Variants in SAMD11 observed in about 807,000 individuals in gnomAD.
The protein encoded by SAMD11 is sterile alpha motif domain containing 11.
A neutral mutation model predicts 64.4 loss-of-function variants in SAMD11; 77 were observed. The ratio of observed to expected loss-of-function variants is 1.20; its 90% CI spans 0.99 to 1.44. The LOEUF (loss-of-function observed/expected upper bound fraction) is 1.44. SAMD11 is among the 40% of genes most tolerant of loss of function. The pLI, the probability that SAMD11 is intolerant of heterozygous loss-of-function variation, is 0.00. For synonymous variants in SAMD11, 658 were observed against 421.9 expected (o/e 1.56, Z -6.86); for missense variants, 1,402 against 943.3 (o/e 1.49, Z -6.37).
rs762963735 is a variant in SAMD11 at position 943,993 on chromosome 1, A to C, written c.2375A>C (p.Glu792Ala). The change falls in exon 14 of 14, where the codon GAG (glutamate) becomes GCG (alanine). Residue 792 changes from glutamate (E) to alanine (A), a missense_variant. Transcript: ENST00000616016. ...CAGCCACCAACCCTGCGGGCCCCGG[A>C]GCGAGAACTCGGCACAGGAGAGCAG... ...PLQPPTLRAP[E>A]RELGTGEQPL... 1.2e-5 allele frequency: 19 copies of C among 1,612,772 alleles called. No homozygotes were observed. The South Asian group carries it at 1.5e-4, about 13-fold the overall frequency.
chr1:928,226 A>C (rs1381207176), intron 2 of SAMD11, among the ~76,000 whole-genome samples: 1 of 151,624 alleles, frequency 6.6e-6, no homozygotes, highest in Non-Finnish European at 1.5e-5. Flanking sequence ...ACCCGTCTCT[A>C]CTAAAAATAC....
At chr1:935,193 C>CG (rs1177022204) in intron 4 of SAMD11, among the ~76,000 whole-genome samples, 2 of 152,210 alleles carry the variant, frequency 1.3e-5, no homozygotes, top group East Asian at 1.9e-4. Context: ...CCCCGCCTGC[C>CG]GGGGGGACAG....
At chr1:938,113 CAG>C (rs2100339623) in intron 5 of SAMD11, among the ~76,000 whole-genome samples, 1 of 151,980 alleles carries the variant, frequency 6.6e-6, no homozygotes, top group Non-Finnish European at 1.5e-5. Context: ...GGCGTGGAGT[CAG>C]GGGCTTCGGA....
In SAMD11 at chr1:942,123, C is replaced by T. The variant is rs1009448890; in HGVS notation, c.1359-13C>T. On this transcript the variant is annotated splice_polypyrimidine_tract_variant and intron_variant, in intron 8 of 13. Coordinates refer to ENST00000616016, the MANE Select transcript of SAMD11 (RefSeq NM_001385641.1). ...GGCGGGGGGGACGCCGCTCATTGCG[C>T]TGCCGTCCACAGGGAGCTGCCTCAG... The T allele has an allele frequency of 1.9e-6, 2 of 1,071,932 alleles. No individual in the cohort carries two copies. Among genetic ancestry groups the T allele is most frequent in the Non-Finnish European group, 2.6e-6 (2 of 768,416 alleles). The allele number at this position is 1,071,932 out of a possible 1,614,324, so 66.4% of individuals were successfully genotyped here.
intron 2 of SAMD11, among the ~76,000 whole-genome samples, chr1:928,930 C>T (rs187038555): frequency 8.5e-5 from 13 of 152,354 alleles, no homozygotes; most frequent in Admixed American, 7.2e-4. Context: ...CATCCCCAAG[C>T]TCCGGGCTGT....
Position 939,458 on chromosome 1 carries a change from A to T in SAMD11, c.1195+46A>T, listed in dbSNP as rs777598915. ...GATCCCCCTCATCACCTCCCCAGCC[A>T]CGGTGAGGACCCACCCTGGCATGAT... On this transcript the variant is annotated intron_variant, in intron 7 of 13. Coordinates refer to ENST00000616016, the MANE Select transcript of SAMD11 (RefSeq NM_001385641.1). 8.8e-6 allele frequency: 14 copies of T among 1,599,972 alleles called. No homozygotes were observed. In the South Asian group the frequency reaches 1.4e-4, roughly 16 times the overall value.
chr1:942,646 C>G lies in SAMD11; in HGVS notation c.1641C>G (p.Pro547=). 7.0e-7 allele frequency: 1 copy of G among 1,438,032 alleles called. No homozygotes were observed. The highest frequency in any genetic ancestry group is 1.5e-5 in the African/African-American group (1 of 66,966). 89.1% of individuals were successfully genotyped at this position (1,438,032 alleles called of 1,614,324 possible). The change falls in exon 11 of 14, where the codon CCC becomes CCG. Residue 547 remains proline (P), a synonymous_variant. Coordinates refer to ENST00000616016, the MANE Select transcript of SAMD11 (RefSeq NM_001385641.1). ...TGGCGCCCGAGACCGCCCTGCGCCCCAACGACGGCGCCGAGGAGCTGCAGC... is the reference window on the plus strand; with the variant it reads ...TGGCGCCCGAGACCGCCCTGCGCCCGAACGACGGCGCCGAGGAGCTGCAGC... ...QLLAPETALR[P]NDGAEELQRR... is the part of the protein sequence containing the mutation.
chr1:925,546 G>A (rs1370453575), intron 1 of SAMD11, among the ~76,000 whole-genome samples: 1 of 152,138 alleles, frequency 6.6e-6, no homozygotes, highest in Non-Finnish European at 1.5e-5. Flanking sequence ...CGCGGTGGCC[G>A]CCTCTTCCTG....
intron 7 of SAMD11, 100 bp from the exon 8 acceptor site, chr1:941,044 G>A (rs1250442234): frequency 1.8e-6 from 2 of 1,134,546 alleles, no homozygotes; most frequent in Admixed American, 2.2e-5. Flanking sequence ...CGGCCGAGTG[G>A]TGTGGTCAGT....
At position 942,275 on chromosome 1, in the gene SAMD11, C is replaced by G. The variant is rs759199429; in HGVS notation, c.1474+24C>G. ...AGGTGAGGAGGCGGGTGCGCATCCC[C>G]TGGGAGCCCGCGTGGAGGCTCGCGG... On this transcript the variant is annotated intron_variant, in intron 9 of 13. Transcript: ENST00000616016. The G allele has an allele frequency of 7.5e-6, 8 of 1,070,342 alleles. No homozygotes were observed. The African/African-American group carries it at 1.2e-4, about 16-fold the overall frequency. 66.3% of individuals were successfully genotyped at this position (1,070,342 alleles called of 1,614,324 possible). A position where few individuals can be genotyped will look rare whatever the true frequency, so the allele number is the denominator to read the frequency against.
At chr1:930,467 G>A in intron 3 of SAMD11, 131 bp downstream of exon 3, 2 of 1,053,644 alleles carry the variant, frequency 1.9e-6, no homozygotes, top group Non-Finnish European at 2.7e-6. Flanking sequence ...TCTTTTTGGG[G>A]TCCTGTGTGG....
chr1:933,942 CTAGGTCACTGCGCAGGACTGCTCCGTTA>C (rs1641286836), intron 4 of SAMD11, among the ~76,000 whole-genome samples: 1 of 151,992 alleles, frequency 6.6e-6, no homozygotes, highest in Non-Finnish European at 1.5e-5. Context: ...GGGTAGGCTC[CTAGGTCACTGCGCAGGACTGCTCCGTTA>C]CAGGTGGGCA....
Position 943,882 on chromosome 1 carries a change from G to GC in SAMD11, c.2290-21dup, listed in dbSNP as rs1557612301. The GC allele has an allele frequency of 2.5e-6, 4 of 1,612,962 alleles. No individual in the cohort carries two copies. The Admixed American group carries it at 5.0e-5, about 20-fold the overall frequency. Reference sequence around the variant, plus strand: ...GAAAGCTCTGGGTGGGTGTGCGACAGCCCCCACCAGGCCATCTCTCTGCAG... The same window carrying GC: ...GAAAGCTCTGGGTGGGTGTGCGACAGCCCCCCACCAGGCCATCTCTCTGCAG... On this transcript the variant is annotated intron_variant, in intron 13 of 13. Transcript: ENST00000616016.
rs114897352 is a variant in SAMD11 at position 943,800 on chromosome 1, C to T, written c.2281C>T (p.Arg761Trp). Residue 761 changes from arginine (R) to tryptophan (W), a missense_variant, in exon 13 of 14, where the codon CGG becomes TGG. Physicochemically the swap from Arg to Trp is moderately radical, Grantham distance 101. Transcript: ENST00000616016. ...GLKLGPALKI[R>W]AQVARRLGRV... ...GAAGCTGGGGCCCGCCCTCAAGATC[C>T]GGGCCCAGGTGAGACGCTGGGGAGT... The T allele has an allele frequency of 1.9e-6, 3 of 1,612,754 alleles. No individual in the cohort carries two copies. Among genetic ancestry groups the T allele is most frequent in the African/African-American group, 1.3e-5 (1 of 75,002 alleles).
rs1169553741 is a variant in SAMD11 at position 942,160 on chromosome 1, G to C, written c.1383G>C (p.Leu461Phe). Residue 461 changes from leucine (L) to phenylalanine (F), a missense_variant, in exon 9 of 14, where the codon TTG becomes TTC. Coordinates refer to ENST00000616016, the MANE Select transcript of SAMD11 (RefSeq NM_001385641.1). ...GGGAGCTGCCTCAGCCGCCCCCCTT[G>C]CTGTCGCCGCAGAATGCCCCTCACG... ...SERELPQPPP[L>F]LSPQNAPHVA... 1 of 1,413,460 alleles carries C rather than the reference G, an allele frequency of 7.1e-7. No individual in the cohort carries two copies. Among genetic ancestry groups the C allele is most frequent in the Admixed American group, 2.3e-5 (1 of 43,320 alleles). The allele number at this position is 1,413,460 out of a possible 1,614,324, so 87.6% of individuals were successfully genotyped here. A position where few individuals can be genotyped will look rare whatever the true frequency, so the allele number is the denominator to read the frequency against.
chr1:943,916 G>A lies in SAMD11; in HGVS notation c.2298G>A (p.Arg766=). ...AGGCCATCTCTCTGCAGGTGGCCAG[G>A]CGCCTGGGCCGAGTTTTCTACGTGG... is the stretch of plus-strand genomic sequence containing the variant. ...PALKIRAQVA[R]RLGRVFYVAS... Residue 766 remains arginine (R), a synonymous_variant, in exon 14 of 14, where the codon AGG becomes AGA. Transcript: ENST00000616016. The A allele has an allele frequency of 1.2e-6, 2 of 1,612,766 alleles. No individual in the cohort carries two copies. Among genetic ancestry groups the A allele is most frequent in the South Asian group, 1.1e-5 (1 of 91,078 alleles).
At chr1:934,061 G>T (rs13302908) in intron 4 of SAMD11, among the ~76,000 whole-genome samples, 10,405 of 12,240 alleles carry the variant, frequency 0.85, 5,088 homozygotes, top group Middle Eastern at 1. Flanking sequence ...GTTACAGGTG[G>T]GCAGGGGAGG....
Position 943,772 on chromosome 1 carries a change from G to A in SAMD11, c.2253G>A (p.Gly751=), listed in dbSNP as rs1465756833. 3.7e-6 allele frequency: 6 copies of A among 1,612,548 alleles called. No individual in the cohort carries two copies. The highest frequency in any genetic ancestry group is 1.7e-5 in the Admixed American group (1 of 60,014). Residue 751 remains glycine (G), a synonymous_variant, in exon 13 of 14, where the codon GGG becomes GGA. Coordinates refer to ENST00000616016, the MANE Select transcript of SAMD11 (RefSeq NM_001385641.1). ...LTEEHLLTNM[G]LKLGPALKIR... is the part of the protein sequence containing the mutation. ...AGGAGCACCTGCTGACCAACATGGG[G>A]CTGAAGCTGGGGCCCGCCCTCAAGA...
chr1:943,618 C>T, intron 12 of SAMD11, 80 bp from the exon 13 acceptor site: 2 of 1,398,314 alleles, frequency 1.4e-6, no homozygotes, highest in South Asian at 1.6e-5. Context: ...GTGAGCTGCA[C>T]AAACAGCTCC....
Sources: gnomAD v4.1 joint callset for allele counts (sites outside exome capture counted in the v4.1 genomes callset) on GRCh38, gnomAD v4.1.1 for gene constraint, MANE v1.5 for transcripts, NCBI Gene and HGNC (gene_info 2026-07-23, HGNC 2026-07-21) for gene names.